The following ITIH5 variants were observed in gnomAD, a reference collection of about 807,000 sequenced individuals.
ITIH5 encodes the protein inter-alpha-trypsin inhibitor heavy chain H5.
In ITIH5, 65 loss-of-function variants were observed where a neutral mutation model predicts 77.5. The ratio of observed to expected loss-of-function variants is 0.84; its 90% CI spans 0.69 to 1.03. ITIH5 has a LOEUF of 1.03. Ranked by LOEUF, ITIH5 falls within the 50% of genes least tolerant of loss-of-function variation. The probability of loss-of-function intolerance (pLI) is 0.00; values close to 1 mark genes in which losing one functional copy is unlikely to be tolerated. For missense variants in ITIH5, 1,208 were observed against 1,213.1 expected (o/e 1.00, Z 0.06); for synonymous variants, 525 against 494.3 (o/e 1.06, Z -0.82).
chr10:7,643,395 G>C (rs1564276675), intron 2 of ITIH5, among the ~76,000 whole-genome samples: 1 of 152,204 alleles, frequency 6.6e-6, no homozygotes, highest in Non-Finnish European at 1.5e-5. Flanking sequence ...ATAGATGGAG[G>C]GAAGTCAAGC....
intron 4 of ITIH5, among the ~76,000 whole-genome samples, chr10:7,638,115 G>A (rs1833830487): frequency 6.6e-6 from 1 of 152,168 alleles, no homozygotes; most frequent in African/African-American, 2.4e-5. Context: ...GTGTTCAGTA[G>A]AGCAAGAATT....
At chr10:7,637,569 C>T (rs1309842739) in intron 4 of ITIH5, 91 bp from the exon 5 acceptor site, 3 of 1,298,012 alleles carry the variant, frequency 2.3e-6, no homozygotes, top group East Asian at 2.3e-5. Context: ...GCCATACCCT[C>T]TCAACCAGCC....
At chr10:7,568,087 C>T (rs966893923) in intron 12 of ITIH5, among the ~76,000 whole-genome samples, 4 of 152,156 alleles carry the variant, frequency 2.6e-5, no homozygotes, top group African/African-American at 9.7e-5. Flanking sequence ...CCCAGGGTTC[C>T]GTGCTGTCTG....
In ITIH5 at chr10:7,645,830, AT is replaced by A. The variant is rs1389533707; in HGVS notation, c.136-3741del. On this transcript the variant is annotated intron_variant, in intron 2 of 13. Coordinates refer to ENST00000397146, the MANE Select transcript of ITIH5 (RefSeq NM_030569.7). ...TCTGTTAAATGATCTCATTAAAAAC[AT>A]TTCATACATTTCAGTAAAGGCAATG... 5.9e-5 allele frequency among the ~76,000 whole-genome samples: 9 copies of A among 152,354 alleles called. 1 individual carries two copies. In the South Asian group the frequency reaches 1.0e-3, roughly 18 times the overall value.
Position 7,637,422 on chromosome 10 carries a change from G to T in ITIH5, c.458C>A (p.Ala153Asp). 1 of 1,613,966 alleles carries T rather than the reference G, an allele frequency of 6.2e-7. No homozygotes were observed. Among genetic ancestry groups the T allele is most frequent in the Non-Finnish European group, 8.5e-7 (1 of 1,179,856 alleles). ...CTCCTCATAACTCAGGAAAAAGGCG[G>T]CTTTGTCCTTGCTGGGAATCACTGC... ...ASAVIPSKDK[A>D]AFFLSYEELL... is the part of the protein sequence containing the mutation. The change falls in exon 5 of 14, where the codon GCC (alanine) becomes GAC (aspartate). Residue 153 changes from alanine (A) to aspartate (D), a missense_variant. Coordinates refer to ENST00000397146, the MANE Select transcript of ITIH5 (RefSeq NM_030569.7).
rs796281247 is a variant in ITIH5 at position 7,628,669 on chromosome 10, GTGTC to G, written c.652+8555_652+8558del. ...GTCCATGTTGTCTGGGTTGTCACAT[GTGTC>G]CATGTTGTAGCGTGTGTCCATGTTG... On this transcript the variant is annotated intron_variant, in intron 5 of 13. Transcript: ENST00000397146. 3.7e-4 allele frequency among the ~76,000 whole-genome samples: 24 copies of G among 65,048 alleles called. 3 individuals carry two copies. Among genetic ancestry groups the G allele is most frequent in the South Asian group, 5.3e-4 (1 of 1,888 alleles). The allele number at this position is 65,048 out of a possible 152,430, so 42.7% of individuals were successfully genotyped here.
At chr10:7,608,985 C>T (rs116657364) in intron 7 of ITIH5, among the ~76,000 whole-genome samples, 2,293 of 152,286 alleles carry the variant, frequency 0.015, 60 homozygotes, top group African/African-American at 0.053. Flanking sequence ...AGCCTCAAAG[C>T]TTGAAAAGTG....
At chr10:7,636,191 A>T (rs567729172) in intron 5 of ITIH5, among the ~76,000 whole-genome samples, 27 of 152,198 alleles carry the variant, frequency 1.8e-4, no homozygotes, top group Non-Finnish European at 3.2e-4. Flanking sequence ...AAAGAAAAAA[A>T]ATACGGTGAT....
intron 9 of ITIH5, 54 bp downstream of exon 9, chr10:7,579,701 C>A: frequency 6.4e-7 from 1 of 1,560,318 alleles, no homozygotes. Context: ...CCCACCGCAG[C>A]CACCCCTCAG....
In ITIH5 at chr10:7,662,289, G is replaced by A. The variant is rs146808499; in HGVS notation, c.90+4514C>T. ...GGAGAATTGCTTGAATCCGGGAGGCGGAGGTTGCAGTGAGCCAAGATCATG... is the reference window on the plus strand; with the variant it reads ...GGAGAATTGCTTGAATCCGGGAGGCAGAGGTTGCAGTGAGCCAAGATCATG... On this transcript the variant is annotated intron_variant, in intron 1 of 13. Coordinates refer to ENST00000397146, the MANE Select transcript of ITIH5 (RefSeq NM_030569.7). 7.0e-3 allele frequency among the ~76,000 whole-genome samples: 1,058 copies of A among 152,112 alleles called. 13 individuals are homozygous for A. The highest frequency in any genetic ancestry group is 0.024 in the African/African-American group (977 of 41,488).
chr10:7,584,520 G>A (rs969007084), intron 8 of ITIH5, among the ~76,000 whole-genome samples: 4 of 151,928 alleles, frequency 2.6e-5, no homozygotes, highest in Non-Finnish European at 5.9e-5. Flanking sequence ...GGCCAGGCTG[G>A]TCTTGAACTC....
intron 13 of ITIH5, 129 bp from the exon 14 acceptor site, chr10:7,563,513 G>T: frequency 2.7e-6 from 2 of 747,038 alleles, no homozygotes; most frequent in Non-Finnish European, 4.3e-6. Context: ...CTCTCCCAGT[G>T]ACATGGAAGA....
chr10:7,629,897 G>A (rs867303334), intron 5 of ITIH5, among the ~76,000 whole-genome samples: 14 of 152,256 alleles, frequency 9.2e-5, no homozygotes, highest in African/African-American at 3.1e-4. Flanking sequence ...TAGTAACCTA[G>A]AAGGGTTTAG....
At chr10:7,637,586 G>A in intron 4 of ITIH5, 108 bp from the exon 5 acceptor site, 1 of 1,097,994 alleles carries the variant, frequency 9.1e-7, no homozygotes, top group East Asian at 2.4e-5. Flanking sequence ...AGCCTGCCAG[G>A]GAGACCCATG....
chr10:7,632,821 G>A (rs1317974527), intron 5 of ITIH5, among the ~76,000 whole-genome samples: 2 of 152,116 alleles, frequency 1.3e-5, no homozygotes, highest in South Asian at 2.1e-4. Flanking sequence ...AGTAAGTAAG[G>A]TATTCTTTTT....
intron 7 of ITIH5, among the ~76,000 whole-genome samples, chr10:7,603,916 T>G (rs948601155): frequency 2.0e-5 from 3 of 152,304 alleles, no homozygotes. Context: ...GTGGCATGAC[T>G]GTCCCTTGGT....
At position 7,624,914 on chromosome 10, in the gene ITIH5, T is replaced by C. The variant is rs1256074201; in HGVS notation, c.653-7632A>G. ...GTATATATATACATACATATATATA[T>C]ATATATATGCATTATCCCTTTCTGC... On this transcript the variant is annotated intron_variant, in intron 5 of 13. Transcript: ENST00000397146. Among the ~76,000 whole-genome samples the C allele has an allele frequency of 2.1e-5, 3 of 143,472 alleles. 1 individual carries two copies. Among genetic ancestry groups the C allele is most frequent in the Admixed American group, 1.4e-4 (2 of 14,206 alleles). 94.1% of individuals were successfully genotyped at this position (143,472 alleles called of 152,430 possible).
At chr10:7,624,816 C>CAT (rs375732694) in intron 5 of ITIH5, among the ~76,000 whole-genome samples, 13,995 of 33,536 alleles carry the variant, frequency 0.42, 1,444 homozygotes, top group East Asian at 0.49. Context: ...TATATATACA[C>CAT]ATATATATGT....
chr10:7,612,834 G>A (rs1268309297), intron 7 of ITIH5, among the ~76,000 whole-genome samples: 2 of 152,060 alleles, frequency 1.3e-5, no homozygotes, highest in Admixed American at 6.6e-5. Context: ...TAATTAACAC[G>A]GTATTCTGTG....
Sources: allele counts gnomAD v4.1 joint callset (sites outside exome capture counted in the v4.1 genomes callset), GRCh38; gene constraint gnomAD v4.1.1; transcripts MANE v1.5; gene names NCBI Gene and HGNC (gene_info 2026-07-23, HGNC 2026-07-21).